Variants in INPP5F observed in about 807,000 individuals in gnomAD.
INPP5F encodes the protein inositol polyphosphate-5-phosphatase F, also known as phosphatidylinositide 4-phosphatase SAC2.
A neutral mutation model predicts 137.2 loss-of-function variants in INPP5F; 97 were observed. The observed-to-expected ratio is 0.71, with a 90% CI of 0.60 to 0.84. The LOEUF (loss-of-function observed/expected upper bound fraction) is 0.84. INPP5F is among the 40% of genes least tolerant of loss of function. INPP5F has a pLI of 0.00. For synonymous variants in INPP5F, 504 were observed against 476.9 expected, an observed-to-expected ratio of 1.06 and a Z score of -0.74; for missense variants, 1,271 against 1,371.9, an observed-to-expected ratio of 0.93 and a Z score of 1.16.
At chr10:119,805,860 G>A (rs1850760518) in intron 11 of INPP5F, among the ~76,000 whole-genome samples, 1 of 152,168 alleles carries the variant, frequency 6.6e-6, no homozygotes, top group Admixed American at 6.5e-5. Context: ...GAGTACAGGA[G>A]GTTTAAATTG....
At position 119,732,849 on chromosome 10, in the gene INPP5F, C is replaced by T. The variant is rs562946289; in HGVS notation, c.97+6490C>T. Reference sequence around the variant, plus strand: ...CACTTTTCTGAGCCAGACACTGTTCCATGACCTTTACATGTATTATTTCAT... The same window carrying T: ...CACTTTTCTGAGCCAGACACTGTTCTATGACCTTTACATGTATTATTTCAT... On this transcript the variant is annotated intron_variant, in intron 1 of 19. Coordinates refer to ENST00000650623, the MANE Select transcript of INPP5F (RefSeq NM_014937.4). Among the ~76,000 whole-genome samples the T allele has an allele frequency of 1.6e-4, 25 of 152,312 alleles. No individual in the cohort carries two copies. The South Asian group carries it at 5.2e-3, about 32-fold the overall frequency.
chr10:119,758,592 A>C (rs1848917501), intron 2 of INPP5F, among the ~76,000 whole-genome samples: 2 of 152,236 alleles, frequency 1.3e-5, no homozygotes, highest in Non-Finnish European at 2.9e-5. Context: ...TAGGGTAAGA[A>C]GTATCTGAAG....
At chr10:119,815,206 C>T (rs1851219594) in intron 15 of INPP5F, 1 of 152,448 alleles carries the variant, frequency 6.6e-6, no homozygotes, top group Non-Finnish European at 1.5e-5. Flanking sequence ...CACTGGGGGC[C>T]TCTAAGTCTC....
intron 6 of INPP5F, among the ~76,000 whole-genome samples, chr10:119,795,344 G>T (rs1176605393): frequency 1.4e-5 from 2 of 145,952 alleles, no homozygotes; most frequent in Non-Finnish European, 3.0e-5. Flanking sequence ...GGGCGGAGGG[G>T]CTCCTCACTT....
chr10:119,796,916 G>A lies in INPP5F; in HGVS notation c.868+3G>A. On this transcript the variant is annotated splice_donor_region_variant and intron_variant, in intron 7 of 19. Coordinates refer to ENST00000650623, the MANE Select transcript of INPP5F (RefSeq NM_014937.4). ...ACGCCGAAGTAGGCACAGAGCAGGT[G>A]AGTGGAGGGCTGTAATAGCATTCAA... The A allele has an allele frequency of 6.2e-7, 1 of 1,612,716 alleles. No homozygotes were observed.
intron 2 of INPP5F, among the ~76,000 whole-genome samples, chr10:119,758,039 T>G (rs548860665): frequency 6.6e-6 from 1 of 152,208 alleles, no homozygotes; most frequent in Non-Finnish European, 1.5e-5. Context: ...TGGCCTGTAC[T>G]CAGTGCTGGG....
At chr10:119,746,680 C>T (rs1260126084) in intron 1 of INPP5F, among the ~76,000 whole-genome samples, 2 of 152,070 alleles carry the variant, frequency 1.3e-5, no homozygotes, top group Non-Finnish European at 2.9e-5. Context: ...GAGTTGAAGT[C>T]CTTAATGTGA....
intron 1 of INPP5F, 112 bp downstream of exon 1, chr10:119,726,471 G>A: frequency 2.2e-6 from 1 of 463,174 alleles, no homozygotes; most frequent in Non-Finnish European, 3.2e-6. Flanking sequence ...CTGGTGAGGC[G>A]GGGCGGGGCG....
At chr10:119,739,748 G>T (rs957028244) in intron 1 of INPP5F, among the ~76,000 whole-genome samples, 3 of 152,050 alleles carry the variant, frequency 2.0e-5, no homozygotes, top group African/African-American at 7.2e-5. Context: ...TCCCACTTTA[G>T]CCTTCTAGGT....
chr10:119,791,377 C>A, intron 3 of INPP5F, 140 bp from the exon 4 acceptor site: 1 of 685,982 alleles, frequency 1.5e-6, no homozygotes, highest in Non-Finnish European at 2.5e-6. Context: ...TGCTTGCCAT[C>A]AATTGTCTAC....
chr10:119,730,036 A>T (rs1241547788), intron 1 of INPP5F, among the ~76,000 whole-genome samples: 4 of 151,842 alleles, frequency 2.6e-5, no homozygotes, highest in Non-Finnish European at 4.4e-5. Context: ...CTGTATTCAT[A>T]TATAGCAGTT....
rs772937235 is a variant in INPP5F at position 119,781,712 on chromosome 10, G to A, written c.256G>A (p.Val86Ile). The A allele has an allele frequency of 1.9e-6, 3 of 1,612,846 alleles. No homozygotes were observed. The highest frequency in any genetic ancestry group is 2.7e-5 in the African/African-American group (2 of 75,008). The change falls in exon 3 of 20, where the codon GTT becomes ATT. Residue 86 changes from valine to isoleucine, a missense_variant. Physicochemically the swap from Val to Ile is conservative, Grantham distance 29 (BLOSUM62 3). Transcript: ENST00000650623. ...KLPGDHEVCK[V>I]TKIAVLSLSE... Reference sequence around the variant, plus strand: ...CCCAGGAGACCATGAGGTCTGTAAAGTTACCAAAATTGCTGTGCTCTCACT... The same window carrying A: ...CCCAGGAGACCATGAGGTCTGTAAAATTACCAAAATTGCTGTGCTCTCACT...
At chr10:119,757,438 T>C (rs1232047503) in intron 2 of INPP5F, among the ~76,000 whole-genome samples, 1 of 151,918 alleles carries the variant, frequency 6.6e-6, no homozygotes, top group Non-Finnish European at 1.5e-5. Flanking sequence ...AAGAAAAGTA[T>C]AGATCTGTGA....
chr10:119,731,532 C>G (rs1184469473), intron 1 of INPP5F, among the ~76,000 whole-genome samples: 1 of 151,946 alleles, frequency 6.6e-6, no homozygotes, highest in Non-Finnish European at 1.5e-5. Context: ...GGTGTGGTGG[C>G]GGGTGCCTAT....
In INPP5F at chr10:119,797,457, T is replaced by G; in HGVS notation, c.869-4T>G. The G allele has an allele frequency of 6.3e-7, 1 of 1,594,954 alleles. No individual in the cohort carries two copies. Among genetic ancestry groups the G allele is most frequent in the Non-Finnish European group, 8.5e-7 (1 of 1,169,916 alleles). On this transcript the variant is annotated splice_region_variant and splice_polypyrimidine_tract_variant and intron_variant, in intron 7 of 19. Transcript: ENST00000650623. ...TGCTGTTTTCTGTTTTAATTTTCTTTCAGGAATGCGCTATAAACGAAGAGG... is the reference window on the plus strand; with the variant it reads ...TGCTGTTTTCTGTTTTAATTTTCTTGCAGGAATGCGCTATAAACGAAGAGG...
chr10:119,819,744 T>C, intron 15 of INPP5F: 1 of 393,960 alleles, frequency 2.5e-6, no homozygotes, highest in South Asian at 9.1e-5. Context: ...TACGTGCAAA[T>C]TGAGGTGAAT....
intron 3 of INPP5F, among the ~76,000 whole-genome samples, chr10:119,783,739 A>G (rs1324387853): frequency 1.3e-5 from 2 of 152,208 alleles, no homozygotes; most frequent in East Asian, 3.8e-4. Context: ...GTCTAAGGGA[A>G]AGAGATTATA....
chr10:119,732,282 C>G (rs1848096918), intron 1 of INPP5F, among the ~76,000 whole-genome samples: 1 of 151,972 alleles, frequency 6.6e-6, no homozygotes, highest in South Asian at 2.1e-4. Flanking sequence ...GGTATTCTGC[C>G]TGCCTCAGCC....
intron 6 of INPP5F, among the ~76,000 whole-genome samples, chr10:119,795,065 C>T (rs1196342357): frequency 1.3e-4 from 17 of 127,776 alleles, no homozygotes; most frequent in East Asian, 1.2e-3. Flanking sequence ...GGCGGCTGGC[C>T]GGGCGGGGGG....
Sources: allele counts gnomAD v4.1 joint callset (sites outside exome capture counted in the v4.1 genomes callset), GRCh38; gene constraint gnomAD v4.1.1; transcripts MANE v1.5; gene names NCBI Gene and HGNC (gene_info 2026-07-23, HGNC 2026-07-21).